BCKDHB: variants seen among roughly 807,000 people sequenced by gnomAD.
BCKDHB encodes 2-oxoisovalerate dehydrogenase subunit beta, mitochondrial.
BCKDHB carries 41 observed loss-of-function variants against 48.5 expected under a neutral mutation model. The observed-to-expected ratio is 0.85, with a 90% CI of 0.66 to 1.10. The LOEUF is 1.10. Among genes scored for constraint, BCKDHB ranks in the 50% least tolerant of loss-of-function variants. BCKDHB has a pLI of 0.00. For missense variants in BCKDHB, 496 were observed against 494.2 expected (o/e 1.00, Z -0.03); for synonymous variants, 201 against 174.8 (o/e 1.15, Z -1.18).
chr6:80,333,229 G>A (rs1769410692), intron 9 of BCKDHB, among the ~76,000 whole-genome samples: 1 of 152,050 alleles, frequency 6.6e-6, no homozygotes, highest in Non-Finnish European at 1.5e-5. Context: ...CAGGAGCCTT[G>A]GTGCATATAC....
intron 8 of BCKDHB, among the ~76,000 whole-genome samples, chr6:80,254,968 C>G (rs1395214258): frequency 6.6e-6 from 1 of 152,138 alleles, no homozygotes; most frequent in African/African-American, 2.4e-5. Flanking sequence ...AAGATCATTC[C>G]CCCTCAAATT....
At chr6:80,450,609 A>G in the BCKDHB span, among the ~76,000 whole-genome samples, 1 of 152,204 alleles carries the variant, frequency 6.6e-6, no homozygotes, top group Non-Finnish European at 1.5e-5. Context: ...TCGGAAGCCA[A>G]TATGGCAGAT....
At chr6:80,391,629 G>C in the BCKDHB span, among the ~76,000 whole-genome samples, 2 of 152,238 alleles carry the variant, frequency 1.3e-5, no homozygotes, top group South Asian at 4.2e-4. Context: ...AACTATAAGA[G>C]AACAAATTTC....
At chr6:80,379,342 G>C in the BCKDHB span, among the ~76,000 whole-genome samples, 1 of 152,006 alleles carries the variant, frequency 6.6e-6, no homozygotes, top group Non-Finnish European at 1.5e-5. Context: ...AAAACTTTCT[G>C]ATCATCTCAG....
the BCKDHB span, among the ~76,000 whole-genome samples, chr6:80,430,977 A>T: frequency 8.5e-5 from 13 of 152,100 alleles, no homozygotes. Context: ...ATTTCCCTAT[A>T]CACTCTGCTT....
the BCKDHB span, among the ~76,000 whole-genome samples, chr6:80,420,830 G>A: frequency 6.6e-6 from 1 of 152,300 alleles, no homozygotes; most frequent in African/African-American, 2.4e-5. Context: ...TAAGGTTAAG[G>A]AGCCAAATGC....
In BCKDHB at chr6:80,157,059, A is replaced by G. The variant is rs1219754059; in HGVS notation, c.344-10619A>G. On this transcript the variant is annotated intron_variant, in intron 3 of 9. Coordinates refer to ENST00000320393, the MANE Select transcript of BCKDHB (RefSeq NM_183050.4). ...AACACATTTTTCCCTTAAAAGTTGTATATCTAGTACTTGGTTTGAGAAACC... is the reference window on the plus strand; with the variant it reads ...AACACATTTTTCCCTTAAAAGTTGTGTATCTAGTACTTGGTTTGAGAAACC... Among the ~76,000 whole-genome samples the G allele has an allele frequency of 9.2e-5, 14 of 152,184 alleles. No homozygotes were observed. The East Asian group carries it at 1.3e-3, about 15-fold the overall frequency.
At chr6:80,403,767 G>A in the BCKDHB span, among the ~76,000 whole-genome samples, 1 of 151,892 alleles carries the variant, frequency 6.6e-6, no homozygotes, top group Non-Finnish European at 1.5e-5. Context: ...TATCTAATTG[G>A]TTGAGAGTTT....
chr6:80,130,644 A>T (rs189557111), intron 3 of BCKDHB, among the ~76,000 whole-genome samples: 27 of 152,298 alleles, frequency 1.8e-4, no homozygotes, highest in African/African-American at 5.8e-4. Flanking sequence ...AAATCTTTAC[A>T]CATTTGATTT....
rs1199748910 is a variant in BCKDHB, at chr6:80,345,273, T to C, written c.*1469T>C. The C allele has an allele frequency of 6.6e-6, 1 of 152,186 alleles. No homozygotes were observed. The highest frequency in any genetic ancestry group is 1.5e-5 in the Non-Finnish European group (1 of 68,042). The allele number at this position is 152,186 out of a possible 1,614,324, so 9.4% of individuals were successfully genotyped here. The stretch of plus-strand genomic sequence containing the variant: ...TGATTAGATCCTTTACCTTTTAATA[T>C]CTAGTTTTTCCAAAAATGATAGTAA... On this transcript the variant is annotated 3_prime_UTR_variant, in exon 10 of 10. Transcript: ENST00000320393.
At chr6:80,251,405 T>C (rs1000359303) in intron 8 of BCKDHB, among the ~76,000 whole-genome samples, 4 of 152,320 alleles carry the variant, frequency 2.6e-5, no homozygotes, top group Admixed American at 1.3e-4. Flanking sequence ...TATAAACTTA[T>C]TTAAAATGTC....
chr6:80,339,454 A>G (rs1344513113), intron 9 of BCKDHB, among the ~76,000 whole-genome samples: 4 of 152,224 alleles, frequency 2.6e-5, no homozygotes, highest in Non-Finnish European at 4.4e-5. Flanking sequence ...GTTACAGAAA[A>G]TAGTCAAATG....
chr6:80,254,853 G>A (rs892760513), intron 8 of BCKDHB, among the ~76,000 whole-genome samples: 1 of 152,112 alleles, frequency 6.6e-6, no homozygotes, highest in East Asian at 1.9e-4. Flanking sequence ...CTTGATTTTG[G>A]ACTTTTGGCC....
chr6:80,366,525 C>A, the BCKDHB span, among the ~76,000 whole-genome samples: 1 of 152,076 alleles, frequency 6.6e-6, no homozygotes, highest in African/African-American at 2.4e-5. Context: ...TGCTGTTGAC[C>A]CTACAAGTGA....
chr6:80,277,492 T>C (rs1480466130), intron 9 of BCKDHB, among the ~76,000 whole-genome samples: 5 of 151,888 alleles, frequency 3.3e-5, no homozygotes, highest in Non-Finnish European at 7.4e-5. Flanking sequence ...AAATCAGCCT[T>C]TATTATTAAT....
At chr6:80,376,055 A>T in the BCKDHB span, among the ~76,000 whole-genome samples, 1 of 152,170 alleles carries the variant, frequency 6.6e-6, no homozygotes, top group Non-Finnish European at 1.5e-5. Context: ...GGTGGTAGGC[A>T]GGGCCATAGA....
the BCKDHB span, among the ~76,000 whole-genome samples, chr6:80,399,062 C>G: frequency 2.6e-5 from 4 of 152,092 alleles, no homozygotes; most frequent in African/African-American, 9.6e-5. Context: ...ACACCTCATC[C>G]TGTTAAAAAC....
At chr6:80,431,419 G>C in the BCKDHB span, among the ~76,000 whole-genome samples, 2 of 152,082 alleles carry the variant, frequency 1.3e-5, no homozygotes, top group Non-Finnish European at 2.9e-5. Context: ...TGCCAGAGGG[G>C]TGTTAAAGTC....
intron 8 of BCKDHB, among the ~76,000 whole-genome samples, chr6:80,235,725 C>T (rs1302798316): frequency 1.3e-5 from 2 of 152,184 alleles, no homozygotes. Flanking sequence ...CTTGCAGTTG[C>T]TTGTGTAGTG....
Sources: gnomAD v4.1 joint callset for allele counts (sites outside exome capture counted in the v4.1 genomes callset) on GRCh38, gnomAD v4.1.1 for gene constraint, MANE v1.5 for transcripts, NCBI Gene and HGNC (gene_info 2026-07-23, HGNC 2026-07-21) for gene names.